PRPF18: variants seen among roughly 807,000 people sequenced by gnomAD.
PRPF18 encodes pre-mRNA-splicing factor 18.
PRPF18 carries 38 observed loss-of-function variants against 46.5 expected under a neutral mutation model. The observed-to-expected ratio is 0.82, with a 90% CI of 0.63 to 1.07. The LOEUF is 1.07. Among genes scored for constraint, PRPF18 ranks in the 50% least tolerant of loss-of-function variants. The pLI, the probability that PRPF18 is intolerant of heterozygous loss-of-function variation, is 0.00. For synonymous variants in PRPF18, 152 were observed against 146.7 expected (o/e 1.04, Z -0.26); for missense variants, 263 against 410.0 (o/e 0.64, Z 3.10).
intron 4 of PRPF18, 111 bp downstream of exon 4, chr10:13,605,855 T>C: frequency 7.4e-7 from 1 of 1,351,486 alleles, no homozygotes; most frequent in Non-Finnish European, 9.6e-7. Flanking sequence ...GTGAGCAGAT[T>C]ATTGCTGCTG....
At chr10:13,602,664 A>G (rs550028402) in intron 3 of PRPF18, among the ~76,000 whole-genome samples, 3 of 152,170 alleles carry the variant, frequency 2.0e-5, no homozygotes, top group South Asian at 2.1e-4. Context: ...TTGTATCTCA[A>G]ATGAGTATAT....
intron 9 of PRPF18, among the ~76,000 whole-genome samples, chr10:13,623,014 C>T (rs2080442504): frequency 6.6e-6 from 1 of 151,984 alleles, no homozygotes; most frequent in Non-Finnish European, 1.5e-5. Flanking sequence ...CTGGCTAACA[C>T]AGTGAAACCC....
chr10:13,588,525 A>C (rs1046556171), intron 1 of PRPF18, among the ~76,000 whole-genome samples: 4 of 150,754 alleles, frequency 2.7e-5, no homozygotes, highest in Admixed American at 2.0e-4. Flanking sequence ...GCAGTGAGCT[A>C]TCATCGTGCC....
At chr10:13,609,533 C>T (rs2080241894) in intron 4 of PRPF18, among the ~76,000 whole-genome samples, 1 of 152,156 alleles carries the variant, frequency 6.6e-6, no homozygotes, top group Non-Finnish European at 1.5e-5. Context: ...GGTCATGAAC[C>T]ATATGTGCAT....
intron 8 of PRPF18, among the ~76,000 whole-genome samples, chr10:13,615,217 C>G (rs1305827904): frequency 6.6e-6 from 1 of 152,242 alleles, no homozygotes; most frequent in Non-Finnish European, 1.5e-5. Flanking sequence ...ACATCACTCC[C>G]TGCTAGAATG....
intron 3 of PRPF18, among the ~76,000 whole-genome samples, chr10:13,602,575 G>A (rs2133408751): frequency 6.6e-6 from 1 of 151,182 alleles, no homozygotes; most frequent in Non-Finnish European, 1.5e-5. Context: ...GTTAAACAAA[G>A]ATATATTAAT....
At chr10:13,591,661 C>T (rs1005894612) in intron 1 of PRPF18, 9 of 620,030 alleles carry the variant, frequency 1.5e-5, no homozygotes, top group Non-Finnish European at 2.7e-5. Flanking sequence ...GCTTCTGCAG[C>T]TGCTGCTGCT....
the PRPF18 span, chr10:13,652,002 G>A: frequency 1.7e-6 from 2 of 1,211,460 alleles, no homozygotes; most frequent in Non-Finnish European, 2.5e-6. Context: ...GGAGGAGGAA[G>A]AGAAGAGAGG....
chr10:13,596,156 T>C (rs911592710), intron 1 of PRPF18, among the ~76,000 whole-genome samples: 2 of 152,336 alleles, frequency 1.3e-5, no homozygotes, highest in Middle Eastern at 3.4e-3. Flanking sequence ...TTTTCTCAAC[T>C]TGGCTGATTT....
rs200184630 is a variant in PRPF18 at position 13,589,082 on chromosome 10, T to C, written c.66+1930T>C. ...AATATCCACTGATCTGAGAAACATC[T>C]GTAAGCATTAGGAAACTGTCAGGCT... On this transcript the variant is annotated intron_variant, in intron 1 of 9. Transcript: ENST00000378572. Among the ~76,000 whole-genome samples, 6 of 152,254 alleles carry C rather than the reference T, an allele frequency of 3.9e-5. No individual in the cohort carries two copies. The East Asian group carries it at 1.2e-3, about 29-fold the overall frequency.
chr10:13,646,438 T>A, the PRPF18 span: 1 of 152,536 alleles, frequency 6.6e-6, no homozygotes, highest in African/African-American at 2.4e-5. Context: ...CCCCACAAGC[T>A]GTCCCATCAA....
the PRPF18 span, among the ~76,000 whole-genome samples, chr10:13,650,292 CACAAGGCCAGAGGATAGGGG>C: frequency 6.6e-6 from 1 of 152,160 alleles, no homozygotes; most frequent in Admixed American, 6.5e-5. Flanking sequence ...CACAGTTGGT[CACAAGGCCAGAGGATAGGGG>C]ATGAGGCCCT....
chr10:13,616,838 A>G (rs1036468075), intron 9 of PRPF18, among the ~76,000 whole-genome samples: 8 of 151,920 alleles, frequency 5.3e-5, no homozygotes, highest in African/African-American at 1.9e-4. Context: ...TAAGACGTGT[A>G]TTAGGAAGTA....
chr10:13,645,841 C>T, the PRPF18 span: 1 of 152,584 alleles, frequency 6.6e-6, no homozygotes, highest in African/African-American at 2.4e-5. Flanking sequence ...GAATGGATCG[C>T]AATGTGCTTT....
intron 8 of PRPF18, among the ~76,000 whole-genome samples, chr10:13,614,452 G>C (rs148478296): frequency 2.0e-5 from 3 of 152,324 alleles, no homozygotes; most frequent in African/African-American, 7.2e-5. Flanking sequence ...ACGTTGTATA[G>C]ATGAGTTTCC....
the PRPF18 span, chr10:13,644,960 C>G: frequency 1.3e-5 from 2 of 152,260 alleles, no homozygotes; most frequent in African/African-American, 4.8e-5. Context: ...CCTTCTGCAC[C>G]CTGGAATCAC....
At chr10:13,640,696 T>C in the PRPF18 span, 1 of 152,504 alleles carries the variant, frequency 6.6e-6, no homozygotes, top group South Asian at 2.1e-4. Context: ...TGGATCCCAT[T>C]ACCATCATTT....
intron 4 of PRPF18, among the ~76,000 whole-genome samples, chr10:13,606,729 T>C (rs2502206): frequency 7.8e-6 from 1 of 128,682 alleles, no homozygotes; most frequent in South Asian, 2.8e-4. Context: ...GTGAGACTCC[T>C]TCTCAAAAAA....
At chr10:13,623,292 A>C (rs2080447407) in intron 9 of PRPF18, among the ~76,000 whole-genome samples, 1 of 152,242 alleles carries the variant, frequency 6.6e-6, no homozygotes, top group South Asian at 2.1e-4. Context: ...AATGATAGAA[A>C]TGTACTTACT....
Sources: allele counts gnomAD v4.1 joint callset (sites outside exome capture counted in the v4.1 genomes callset), GRCh38; gene constraint gnomAD v4.1.1; transcripts MANE v1.5; gene names NCBI Gene and HGNC (gene_info 2026-07-23, HGNC 2026-07-21).